TENM3: variants seen among roughly 807,000 people sequenced by gnomAD.
TENM3 encodes the protein teneurin transmembrane protein 3, also known as teneurin-3.
In TENM3, 63 loss-of-function variants were observed where a neutral mutation model predicts 255.1. The observed-to-expected ratio is 0.25, with a 90% CI of 0.20 to 0.30. The LOEUF (loss-of-function observed/expected upper bound fraction) is 0.30. Among genes scored for constraint, TENM3 ranks in the 10% least tolerant of loss-of-function variants. The pLI, the probability that TENM3 is intolerant of heterozygous loss-of-function variation, is 1.00. For synonymous variants in TENM3, 1,306 were observed against 1,322.3 expected, an observed-to-expected ratio of 0.99 and a Z score of 0.27; for missense variants, 2,929 against 3,461.1, an observed-to-expected ratio of 0.85 and a Z score of 3.86.
chr4:182,788,036 T>G (rs1477740078), intron 24 of TENM3, among the ~76,000 whole-genome samples: 2 of 152,222 alleles, frequency 1.3e-5, no homozygotes, highest in Admixed American at 1.3e-4. Context: ...TATTTATATA[T>G]AAACGTGAGT....
chr4:182,620,657 T>G (rs1014780249), intron 4 of TENM3, among the ~76,000 whole-genome samples: 13 of 152,254 alleles, frequency 8.5e-5, no homozygotes, highest in African/African-American at 3.1e-4. Flanking sequence ...AAACAATCTT[T>G]ACTAATTCTT....
upstream of TENM3, among the ~76,000 whole-genome samples, chr4:182,140,224 G>A (rs1490320262): frequency 6.6e-6 from 1 of 152,162 alleles, no homozygotes; most frequent in Non-Finnish European, 1.5e-5. Context: ...CTTGTGTAAG[G>A]GAAACACCTC....
chr4:182,223,182 G>A (rs1755946068), intron 1 of TENM3, among the ~76,000 whole-genome samples: 1 of 152,146 alleles, frequency 6.6e-6, no homozygotes, highest in South Asian at 2.1e-4. Context: ...CCTTGTTTTG[G>A]TAAAAACAAG....
chr4:182,440,924 C>G (rs1772431671), intron 3 of TENM3, among the ~76,000 whole-genome samples: 1 of 151,740 alleles, frequency 6.6e-6, no homozygotes, highest in South Asian at 2.1e-4. Context: ...ATTATCCCAT[C>G]ACCCAGGTAT....
the TENM3 span, among the ~76,000 whole-genome samples, chr4:182,095,586 C>T: frequency 6.6e-5 from 10 of 152,104 alleles, no homozygotes; most frequent in South Asian, 8.3e-4. Flanking sequence ...TCAATGGATA[C>T]GGAAGTCCAG....
intron 1 of TENM3, among the ~76,000 whole-genome samples, chr4:182,243,740 G>A (rs950427704): frequency 6.6e-6 from 1 of 152,104 alleles, no homozygotes; most frequent in Admixed American, 6.5e-5. Flanking sequence ...TATTCAGCAC[G>A]TCCTTGTTTT....
intron 3 of TENM3, among the ~76,000 whole-genome samples, chr4:182,577,010 A>G (rs1259873511): frequency 6.6e-6 from 1 of 151,180 alleles, no homozygotes; most frequent in East Asian, 1.9e-4. Context: ...CCCCACCCAC[A>G]CCCTCTGTGT....
At chr4:182,521,597 A>T (rs962631538) in intron 3 of TENM3, among the ~76,000 whole-genome samples, 1 of 152,204 alleles carries the variant, frequency 6.6e-6, no homozygotes, top group African/African-American at 2.4e-5. Context: ...CTAAGATAAA[A>T]TGGGCTTGAA....
the TENM3 span, among the ~76,000 whole-genome samples, chr4:182,062,121 T>A: frequency 3.3e-5 from 5 of 152,110 alleles, no homozygotes; most frequent in Non-Finnish European, 5.9e-5. Context: ...AGCCTGAGAG[T>A]CTAGCATAGA....
intron 3 of TENM3, among the ~76,000 whole-genome samples, chr4:182,468,505 T>C (rs1417480160): frequency 6.6e-6 from 1 of 152,192 alleles, no homozygotes; most frequent in Non-Finnish European, 1.5e-5. Flanking sequence ...GGATTTTTTT[T>C]AGTTCTGAAA....
chr4:181,759,258 T>A, the TENM3 span, among the ~76,000 whole-genome samples: 1 of 152,064 alleles, frequency 6.6e-6, no homozygotes, highest in Non-Finnish European at 1.5e-5. Flanking sequence ...GGTGTGAGAA[T>A]GAAATGAAAT....
chr4:182,287,932 G>T (rs113123099), intron 1 of TENM3, among the ~76,000 whole-genome samples: 2 of 149,124 alleles, frequency 1.3e-5, no homozygotes, highest in African/African-American at 5.0e-5. Flanking sequence ...TTGTTTGTTT[G>T]TTTTTTGTTT....
chr4:182,464,218 ATAT>A (rs1446869638), intron 3 of TENM3, among the ~76,000 whole-genome samples: 1 of 137,600 alleles, frequency 7.3e-6, no homozygotes, highest in Non-Finnish European at 1.7e-5. Flanking sequence ...AAAGAAGTCG[ATAT>A]TATTATAACT....
chr4:181,922,344 G>A, the TENM3 span, among the ~76,000 whole-genome samples: 2,005 of 152,226 alleles, frequency 0.013, 48 homozygotes, highest in African/African-American at 0.046. Context: ...GTAGAATTCC[G>A]CTGTGAATCC....
intron 24 of TENM3, among the ~76,000 whole-genome samples, chr4:182,787,735 CAAAAAAAAAAAAAAA>C (rs33998093): frequency 4.8e-5 from 2 of 41,556 alleles, no homozygotes; most frequent in African/African-American, 6.0e-5. Flanking sequence ...AACTCCACCT[CAAAAAAAAAAAAAAA>C]AAAAAAAAAA....
chr4:181,731,749 CTGT>C, the TENM3 span, among the ~76,000 whole-genome samples: 1 of 152,182 alleles, frequency 6.6e-6, no homozygotes, highest in Non-Finnish European at 1.5e-5. Context: ...AAAGGAACAA[CTGT>C]TGTCTTTGCT....
chr4:182,160,872 T>C (rs1021492064), intron 1 of TENM3, among the ~76,000 whole-genome samples: 7 of 152,110 alleles, frequency 4.6e-5, no homozygotes, highest in Admixed American at 1.3e-4. Context: ...GTGAGGGAAA[T>C]GCTAACTAGC....
At chr4:182,491,379 A>G (rs1366097176) in intron 3 of TENM3, among the ~76,000 whole-genome samples, 1 of 131,738 alleles carries the variant, frequency 7.6e-6, no homozygotes, top group Admixed American at 7.6e-5. Context: ...TAAAAATTGC[A>G]GTGAAATTTA....
the TENM3 span, among the ~76,000 whole-genome samples, chr4:182,073,682 T>G: frequency 6.6e-6 from 1 of 152,198 alleles, no homozygotes; most frequent in African/African-American, 2.4e-5. Context: ...GACCTTAGTC[T>G]GTCCGAAGTC....
Sources: gnomAD v4.1 joint callset for allele counts (sites outside exome capture counted in the v4.1 genomes callset) on GRCh38, gnomAD v4.1.1 for gene constraint, MANE v1.5 for transcripts, NCBI Gene and HGNC (gene_info 2026-07-23, HGNC 2026-07-21) for gene names.